The following GRIK2 variants were observed in gnomAD, a reference collection of about 807,000 sequenced individuals.
The protein encoded by GRIK2 is glutamate receptor ionotropic, kainate 2.
GRIK2 carries 32 observed loss-of-function variants against 100.3 expected under a neutral mutation model. That is an observed-to-expected ratio of 0.32 (90% CI 0.24 to 0.43). GRIK2 has a LOEUF of 0.43. GRIK2 is among the 20% of genes least tolerant of loss of function. The pLI, the probability that GRIK2 is intolerant of heterozygous loss-of-function variation, is 1.00. For missense variants in GRIK2, 843 were observed against 1,114.9 expected, an observed-to-expected ratio of 0.76 and a Z score of 3.47; for synonymous variants, 417 against 389.4, an observed-to-expected ratio of 1.07 and a Z score of -0.83.
At chr6:101,896,174 T>G (rs562217871) in intron 12 of GRIK2, among the ~76,000 whole-genome samples, 1 of 151,780 alleles carries the variant, frequency 6.6e-6, no homozygotes, top group African/African-American at 2.4e-5. Flanking sequence ...TTAGTTTGTA[T>G]CTTTAGTAGA....
intron 14 of GRIK2, among the ~76,000 whole-genome samples, chr6:101,983,573 G>A (rs1299647795): frequency 2.6e-5 from 4 of 151,594 alleles, no homozygotes; most frequent in Non-Finnish European, 4.4e-5. Flanking sequence ...ATGACCCATT[G>A]GCATATATTA....
intron 4 of GRIK2, among the ~76,000 whole-genome samples, chr6:101,666,327 A>G (rs748868386): frequency 2.0e-5 from 3 of 152,154 alleles, no homozygotes; most frequent in Admixed American, 6.6e-5. Flanking sequence ...ACCTGTAACA[A>G]TGTGCATGTA....
chr6:101,930,224 C>T (rs921696637), intron 14 of GRIK2, among the ~76,000 whole-genome samples: 2 of 151,814 alleles, frequency 1.3e-5, no homozygotes, highest in African/African-American at 4.8e-5. Flanking sequence ...CACCTGTATT[C>T]CCAGCTACTT....
At chr6:101,765,198 T>A (rs1777969234) in intron 7 of GRIK2, among the ~76,000 whole-genome samples, 1 of 152,162 alleles carries the variant, frequency 6.6e-6, no homozygotes, top group African/African-American at 2.4e-5. Context: ...AGCACCCTGT[T>A]CCTCATTTCA....
chr6:101,458,295 A>G (rs1348926468), intron 2 of GRIK2, among the ~76,000 whole-genome samples: 1 of 152,128 alleles, frequency 6.6e-6, no homozygotes, highest in Non-Finnish European at 1.5e-5. Context: ...TTTCATCACA[A>G]TATGTTTGTG....
chr6:101,766,352 G>T (rs1778045306), intron 7 of GRIK2, among the ~76,000 whole-genome samples: 1 of 151,972 alleles, frequency 6.6e-6, no homozygotes, highest in Non-Finnish European at 1.5e-5. Context: ...AAAGAATCTT[G>T]TGTTTAAAGA....
At chr6:101,835,271 A>G (rs1431553614) in intron 10 of GRIK2, among the ~76,000 whole-genome samples, 1 of 152,068 alleles carries the variant, frequency 6.6e-6, no homozygotes, top group Admixed American at 6.6e-5. Flanking sequence ...TTTAAAGCTT[A>G]CAAGACTATT....
chr6:102,058,154 G>T (rs1038495319), intron 16 of GRIK2, among the ~76,000 whole-genome samples: 2 of 151,680 alleles, frequency 1.3e-5, no homozygotes, highest in Non-Finnish European at 2.9e-5. Context: ...ATATCTTCAC[G>T]CTGCGAACCC....
chr6:101,657,313 A>G (rs1425863801), intron 4 of GRIK2, among the ~76,000 whole-genome samples: 1 of 152,080 alleles, frequency 6.6e-6, no homozygotes, highest in Non-Finnish European at 1.5e-5. Context: ...TGCTCCTCAC[A>G]CTTCTCTGTC....
At chr6:101,478,923 T>C (rs551315174) in intron 2 of GRIK2, among the ~76,000 whole-genome samples, 1 of 152,248 alleles carries the variant, frequency 6.6e-6, no homozygotes, top group East Asian at 1.9e-4. Context: ...TACCCTTAAT[T>C]TTCAGACATG....
At chr6:101,544,400 T>C (rs1425616971) in intron 2 of GRIK2, among the ~76,000 whole-genome samples, 5 of 152,134 alleles carry the variant, frequency 3.3e-5, no homozygotes, top group Non-Finnish European at 5.9e-5. Context: ...GAGAATTATA[T>C]TTCCCTATCG....
At chr6:101,418,885 A>C (rs1423924280) in intron 2 of GRIK2, among the ~76,000 whole-genome samples, 1 of 152,212 alleles carries the variant, frequency 6.6e-6, no homozygotes, top group Non-Finnish European at 1.5e-5. Flanking sequence ...TGAAAGCCCC[A>C]GTAGCAGGGT....
intron 2 of GRIK2, among the ~76,000 whole-genome samples, chr6:101,537,862 A>C (rs1775791185): frequency 6.6e-6 from 1 of 151,798 alleles, no homozygotes; most frequent in Non-Finnish European, 1.5e-5. Context: ...CTGTGAGCAG[A>C]TATTTATTAG....
chr6:101,964,634 A>C (rs1792542554), intron 14 of GRIK2, among the ~76,000 whole-genome samples: 1 of 152,142 alleles, frequency 6.6e-6, no homozygotes, highest in Non-Finnish European at 1.5e-5. Context: ...TGTTCAGTTT[A>C]TGCCTGCCTA....
chr6:101,653,628 TTTTC>T (rs753837154), intron 4 of GRIK2, among the ~76,000 whole-genome samples: 187 of 152,058 alleles, frequency 1.2e-3, no homozygotes, highest in African/African-American at 4.1e-3. Context: ...AACATCTTTA[TTTTC>T]TTTCTTTCTT....
chr6:102,031,129 C>CACACACACACACACACACACACACACA (rs1554194473), intron 14 of GRIK2, among the ~76,000 whole-genome samples: 1 of 52,916 alleles, frequency 1.9e-5, no homozygotes, highest in African/African-American at 4.8e-5. Flanking sequence ...ACACACACAC[C>CACACACACACACACACACACACACACA]CCCTTTGAGT....
chr6:101,777,643 C>T lies in GRIK2; in HGVS notation c.952-22005C>T, dbSNP rs118068343. Among the ~76,000 whole-genome samples, 1,486 of 152,046 alleles carry T rather than the reference C, an allele frequency of 9.8e-3. 5 individuals carry two copies. The highest frequency in any genetic ancestry group is 0.016 in the Non-Finnish European group (1,114 of 67,976). ...AAAAAGGTCAAGTCAGTGAAAGATC[C>T]AGAATTCATAAACTTCTATTCTATT... On this transcript the variant is annotated intron_variant, in intron 7 of 16. Coordinates refer to ENST00000369134, the MANE Select transcript of GRIK2 (RefSeq NM_021956.5).
chr6:101,939,988 G>A (rs1188529862), intron 14 of GRIK2, among the ~76,000 whole-genome samples: 1 of 152,094 alleles, frequency 6.6e-6, no homozygotes, highest in African/African-American at 2.4e-5. Context: ...GGTGGTGATA[G>A]TTATGATGAG....
At chr6:101,532,538 C>CTTTTT (rs34312287) in intron 2 of GRIK2, among the ~76,000 whole-genome samples, 3 of 146,182 alleles carry the variant, frequency 2.1e-5, no homozygotes, top group African/African-American at 7.5e-5. Context: ...CTGGGGAGAC[C>CTTTTT]TTTTTTTTTT....
Sources: allele counts gnomAD v4.1 joint callset (sites outside exome capture counted in the v4.1 genomes callset), GRCh38; gene constraint gnomAD v4.1.1; transcripts MANE v1.5; gene names NCBI Gene and HGNC (gene_info 2026-07-23, HGNC 2026-07-21).